ACSL6: variants seen among roughly 807,000 people sequenced by gnomAD.
The protein encoded by ACSL6 is long-chain-fatty-acid--CoA ligase 6.
In ACSL6, 47 loss-of-function variants were observed where a neutral mutation model predicts 98.2. The ratio of observed to expected loss-of-function variants is 0.48; its 90% confidence interval spans 0.38 to 0.61. The LOEUF is 0.61. Ranked by LOEUF, ACSL6 falls within the 20% of genes least tolerant of loss-of-function variation. The probability of loss-of-function intolerance (pLI) is 0.00; values close to 1 mark genes in which losing one functional copy is unlikely to be tolerated. For synonymous variants in ACSL6, 362 were observed against 336.9 expected (o/e 1.07, Z -0.82); for missense variants, 761 against 913.4 (o/e 0.83, Z 2.15).
intron 10 of ACSL6, 139 bp downstream of exon 10, chr5:131,976,509 C>A: frequency 1.3e-6 from 1 of 775,646 alleles, no homozygotes. Flanking sequence ...AGAACAGAAA[C>A]TCCTGCCTGT....
intron 16 of ACSL6, among the ~76,000 whole-genome samples, chr5:131,967,284 C>T (rs150828509): frequency 6.6e-6 from 1 of 152,084 alleles, no homozygotes; most frequent in African/African-American, 2.4e-5. Flanking sequence ...GAGTTCGAGG[C>T]TATGGTCTCG....
chr5:131,966,178 C>G (rs772965773), intron 17 of ACSL6, among the ~76,000 whole-genome samples: 73 of 152,278 alleles, frequency 4.8e-4, no homozygotes, highest in South Asian at 4.1e-4. Flanking sequence ...GGAATTCAGT[C>G]TCCAAGACCT....
chr5:131,952,399 T>C lies in ACSL6; in HGVS notation c.*1835A>G, dbSNP rs1752200896. On this transcript the variant is annotated 3_prime_UTR_variant, in exon 21 of 21. Coordinates refer to ENST00000651883, the MANE Select transcript of ACSL6 (RefSeq NM_001009185.3). ...TTGACAAGACTGAAATATAAGTATATAATCACTGATGCATATTTATTCAGT... is the reference window on the plus strand; with the variant it reads ...TTGACAAGACTGAAATATAAGTATACAATCACTGATGCATATTTATTCAGT... The C allele has an allele frequency of 4.8e-6, 1 of 207,976 alleles. No homozygotes were observed. The highest frequency in any genetic ancestry group is 2.3e-5 in the African/African-American group (1 of 43,944). The allele number at this position is 207,976 out of a possible 1,614,324, so 12.9% of individuals were successfully genotyped here. A position where few individuals can be genotyped will look rare whatever the true frequency, so the allele number is the denominator to read the frequency against.
At chr5:132,004,149 G>A (rs945572715) in intron 1 of ACSL6, among the ~76,000 whole-genome samples, 2 of 152,042 alleles carry the variant, frequency 1.3e-5, no homozygotes, top group Non-Finnish European at 2.9e-5. Context: ...CCCCATGTGC[G>A]GGATCACTAG....
chr5:131,989,266 G>A lies in ACSL6; in HGVS notation c.552+141C>T, dbSNP rs1754373460. 9 of 804,024 alleles carry A rather than the reference G, an allele frequency of 1.1e-5. No homozygotes were observed. The South Asian group carries it at 1.4e-4, about 12-fold the overall frequency. 49.8% of individuals were successfully genotyped at this position (804,024 alleles called of 1,614,324 possible). The stretch of plus-strand genomic sequence containing the variant: ...CTGATGAGGGGCAGAGCCAGGGTGG[G>A]AAGAGGAGTGGTGGCATAGCCCAAG... On this transcript the variant is annotated intron_variant, in intron 5 of 20. Transcript: ENST00000651883.
chr5:131,996,947 T>C (rs983942313), intron 1 of ACSL6, among the ~76,000 whole-genome samples: 4 of 151,926 alleles, frequency 2.6e-5, no homozygotes, highest in African/African-American at 9.7e-5. Context: ...AAGATAAAGA[T>C]GAAAGGGTGG....
intron 9 of ACSL6, chr5:131,982,364 C>T (rs1421655558): frequency 1.3e-5 from 2 of 151,548 alleles, no homozygotes; most frequent in Non-Finnish European, 2.9e-5. Flanking sequence ...GGGATGGTCT[C>T]GATCTCCTGA....
At chr5:132,002,750 T>C (rs1755161240) in intron 1 of ACSL6, among the ~76,000 whole-genome samples, 1 of 152,092 alleles carries the variant, frequency 6.6e-6, no homozygotes, top group Non-Finnish European at 1.5e-5. Flanking sequence ...GCCTGTAAGA[T>C]GTTGGGGCCC....
chr5:131,975,176 G>C, intron 10 of ACSL6: 70 of 1,336,634 alleles, frequency 5.2e-5, no homozygotes, highest in East Asian at 1.8e-4. Context: ...GAGGGGGAAG[G>C]TGCAGAAAGA....
intron 10 of ACSL6, chr5:131,976,215 C>T (rs1475389704): frequency 1.0e-6 from 1 of 985,216 alleles, no homozygotes; most frequent in Non-Finnish European, 1.2e-6. Flanking sequence ...TTAGCAGTTG[C>T]CGTTGTTTCT....
At chr5:131,957,738 T>A (rs566180595) in intron 20 of ACSL6, among the ~76,000 whole-genome samples, 1 of 152,344 alleles carries the variant, frequency 6.6e-6, no homozygotes, top group South Asian at 2.1e-4. Flanking sequence ...GACAATGGAT[T>A]ATGGATTAAC....
rs777441277 is a variant in ACSL6, at chr5:132,011,509, G to C, written c.45C>G (p.Phe15Leu). The stretch of plus-strand genomic sequence containing the variant: ...GCGGACAGGACGGGCACTTACCTAC[G>C]AATAGCCAGAGGGAGCCCCCCGACA... ...FLVSGGSLWL[F>L]VEFVLSLLEK... The change falls in exon 1 of 21, where the codon TTC (phenylalanine) becomes TTG (leucine). Residue 15 changes from phenylalanine (F) to leucine (L), a missense_variant. Phe to Leu is a conservative substitution (Grantham distance 22). Coordinates refer to ENST00000651883, the MANE Select transcript of ACSL6 (RefSeq NM_001009185.3). This position sits in a 1 kb window ranked among gnomAD's most constrained non-coding sequence, Gnocchi z 5.4. 1 of 1,609,180 alleles carries C rather than the reference G, an allele frequency of 6.2e-7. No individual in the cohort carries two copies. The highest frequency in any genetic ancestry group is 1.7e-5 in the Admixed American group (1 of 59,814).
At chr5:131,998,074 C>A (rs978169312) in intron 1 of ACSL6, among the ~76,000 whole-genome samples, 2 of 152,154 alleles carry the variant, frequency 1.3e-5, no homozygotes, top group Non-Finnish European at 2.9e-5. Context: ...ACCTCCACAC[C>A]TCTCTTTTGA....
At chr5:132,011,796 G>T (rs1755752945), upstream of ACSL6, 4 of 1,409,446 alleles carry the variant, frequency 2.8e-6, no homozygotes, top group Admixed American at 2.9e-5. This position sits in a 1 kb window ranked among gnomAD's most constrained non-coding sequence, Gnocchi z 5.4. Flanking sequence ...TGGCCGGCCG[G>T]GTCTGGGGCT....
At chr5:132,011,928 A>T (rs1421941260), upstream of ACSL6, 1 of 1,555,502 alleles carries the variant, frequency 6.4e-7, no homozygotes, top group Non-Finnish European at 8.7e-7. The surrounding 1 kb of genome is among the most constrained non-coding windows in gnomAD (Gnocchi z 5.4). Context: ...CATTCTGCGG[A>T]AACCGGCTGG....
intron 20 of ACSL6, among the ~76,000 whole-genome samples, 158 bp from the exon 21 acceptor site, chr5:131,954,529 G>A (rs1319131784): frequency 6.6e-6 from 1 of 152,130 alleles, no homozygotes; most frequent in South Asian, 2.1e-4. Context: ...CCTATTTTAC[G>A]TATCTAAAAG....
At chr5:131,976,541 CAAGA>C (rs1295729310) in intron 10 of ACSL6, 103 bp downstream of exon 10, 1 of 982,188 alleles carries the variant, frequency 1.0e-6, no homozygotes, top group Non-Finnish European at 1.5e-6. Context: ...CAGGTTATAT[CAAGA>C]AAAAAAAAAA....
chr5:132,002,054 G>A (rs1755115083), intron 1 of ACSL6, among the ~76,000 whole-genome samples: 1 of 152,320 alleles, frequency 6.6e-6, no homozygotes, highest in East Asian at 1.9e-4. Flanking sequence ...AGTCCCTTTG[G>A]AAATATTTAC....
chr5:131,971,761 T>C (rs897939822), intron 13 of ACSL6, 116 bp from the exon 14 acceptor site: 3 of 811,954 alleles, frequency 3.7e-6, no homozygotes, highest in Non-Finnish European at 5.6e-6. Context: ...ATGCTAGGGC[T>C]GGGATCAGAA....
Sources: allele counts gnomAD v4.1 joint callset (sites outside exome capture counted in the v4.1 genomes callset), GRCh38; gene constraint gnomAD v4.1.1; non-coding constraint Gnocchi (gnomAD v3.1); transcripts MANE v1.5; gene names NCBI Gene and HGNC (gene_info 2026-07-23, HGNC 2026-07-21).